ACSM5: variants seen among roughly 807,000 people sequenced by gnomAD.
ACSM5 encodes acyl-CoA synthetase medium chain family member 5, also known as acyl-coenzyme A synthetase ACSM5, mitochondrial.
ACSM5 carries 56 observed loss-of-function variants against 71.6 expected under a neutral mutation model. The observed-to-expected ratio is 0.78, with a 90% CI of 0.63 to 0.98. ACSM5 has a LOEUF of 0.98. ACSM5 is among the 50% of genes least tolerant of loss of function. ACSM5 has a pLI of 0.00. For synonymous variants in ACSM5, 285 were observed against 281.5 expected, an observed-to-expected ratio of 1.01 and a Z score of -0.12; for missense variants, 723 against 726.0, an observed-to-expected ratio of 1.00 and a Z score of 0.05.
intron 12 of ACSM5, among the ~76,000 whole-genome samples, chr16:20,438,542 A>G (rs1325188384): frequency 1.4e-5 from 2 of 147,820 alleles, no homozygotes; most frequent in Non-Finnish European, 3.0e-5. Context: ...TGAAGAAATC[A>G]TACCTCAAAC....
At chr16:20,434,585 T>C (rs1006843083) in intron 10 of ACSM5, among the ~76,000 whole-genome samples, 1 of 152,088 alleles carries the variant, frequency 6.6e-6, no homozygotes, top group Non-Finnish European at 1.5e-5. Context: ...TCCCAGCTAC[T>C]TGGGAGGCTG....
At chr16:20,431,947 A>AT (rs1317151084) in intron 10 of ACSM5, among the ~76,000 whole-genome samples, 4,813 of 141,602 alleles carry the variant, frequency 0.034, 240 homozygotes, top group East Asian at 0.079. Context: ...TCCGTATCAA[A>AT]AAAAAAAAAT....
At chr16:20,415,694 T>TGGAA (rs1966855021) in intron 2 of ACSM5, among the ~76,000 whole-genome samples, 1 of 152,152 alleles carries the variant, frequency 6.6e-6, no homozygotes, top group Non-Finnish European at 1.5e-5. Context: ...GTCAAGAATG[T>TGGAA]GGAATTGGGA....
intron 7 of ACSM5, among the ~76,000 whole-genome samples, chr16:20,429,280 T>C (rs1281613382): frequency 6.6e-6 from 1 of 152,172 alleles, no homozygotes; most frequent in African/African-American, 2.4e-5. Context: ...CCCAAAGTGC[T>C]GGGACTACAG....
chr16:20,436,746 G>A (rs999356109), intron 10 of ACSM5, among the ~76,000 whole-genome samples: 7 of 152,090 alleles, frequency 4.6e-5, no homozygotes, highest in African/African-American at 1.4e-4. Flanking sequence ...AAAAACCACA[G>A]CCAGTGGCCC....
Position 20,439,912 on chromosome 16 carries a change from C to T in ACSM5, c.1649C>T (p.Pro550Leu). The T allele has an allele frequency of 6.2e-7, 1 of 1,612,262 alleles. No homozygotes were observed. Among genetic ancestry groups the T allele is most frequent in the Non-Finnish European group, 8.5e-7 (1 of 1,178,712 alleles). ...VKRVTAPYKY[P>L]RKVAFVSELP... Reference sequence around the variant, plus strand: ...AGGGTGACTGCTCCATACAAATACCCCAGGAAGGTAAATATCAGGGTTTCC... The same window carrying T: ...AGGGTGACTGCTCCATACAAATACCTCAGGAAGGTAAATATCAGGGTTTCC... The change falls in exon 13 of 14, where the codon CCC becomes CTC. Residue 550 changes from proline to leucine, a missense_variant. Pro to Leu is a moderately conservative substitution (Grantham distance 98). Coordinates refer to ENST00000331849, the MANE Select transcript of ACSM5 (RefSeq NM_017888.3).
At chr16:20,430,448 A>C (rs1335103748) in intron 8 of ACSM5, among the ~76,000 whole-genome samples, 4 of 151,988 alleles carry the variant, frequency 2.6e-5, no homozygotes, top group Admixed American at 2.6e-4. Context: ...GAGATGGGTT[A>C]AGTTCTTTAT....
chr16:20,433,579 G>A (rs368254406), intron 10 of ACSM5, among the ~76,000 whole-genome samples: 2 of 151,882 alleles, frequency 1.3e-5, no homozygotes, highest in Middle Eastern at 3.2e-3. Flanking sequence ...CAAAAGAAAA[G>A]GAGAAAAAGA....
intron 7 of ACSM5, 57 bp from the exon 8 acceptor site, chr16:20,429,621 G>A: frequency 6.2e-7 from 1 of 1,610,144 alleles, no homozygotes; most frequent in African/African-American, 1.3e-5. Flanking sequence ...TGGCACCAGA[G>A]GGCGGGGTGA....
intron 8 of ACSM5, 83 bp downstream of exon 8, chr16:20,429,884 T>G (rs1967061154): frequency 6.5e-7 from 1 of 1,527,944 alleles, no homozygotes; most frequent in East Asian, 2.3e-5. Context: ...TCCCTGAAGC[T>G]TCTCAGGGAC....
At chr16:20,428,514 C>A (rs866817291) in intron 7 of ACSM5, among the ~76,000 whole-genome samples, 4 of 152,340 alleles carry the variant, frequency 2.6e-5, no homozygotes, top group Middle Eastern at 6.8e-3. Context: ...GGCCCACTGT[C>A]CTTCAGTATC....
chr16:20,438,017 G>T lies in ACSM5; in HGVS notation c.1536+650G>T, dbSNP rs370459276. ...ATTTTTGTATTTTTAGTAGAGACAG[G>T]GTTTTGCCTTGTTGGCCAGGCTGGA... is the stretch of plus-strand genomic sequence containing the variant. On this transcript the variant is annotated intron_variant, in intron 12 of 13. Coordinates refer to ENST00000331849, the MANE Select transcript of ACSM5 (RefSeq NM_017888.3). Among the ~76,000 whole-genome samples, 2 of 151,934 alleles carry T rather than the reference G, an allele frequency of 1.3e-5. 1 individual carries two copies. The highest frequency in any genetic ancestry group is 1.3e-4 in the Admixed American group (2 of 15,242).
chr16:20,427,874 C>T lies in ACSM5; in HGVS notation c.1001+7C>T, dbSNP rs750264532. On this transcript the variant is annotated splice_region_variant and intron_variant, in intron 7 of 13. Coordinates refer to ENST00000331849, the MANE Select transcript of ACSM5 (RefSeq NM_017888.3). ...TGCAGGAGGATCTGACCAGGTACAG[C>T]CCGTCTATTTCGTGCTTTGAGGGCC... 2.5e-6 allele frequency: 4 copies of T among 1,609,686 alleles called. No individual in the cohort carries two copies. In the Admixed American group the frequency reaches 5.0e-5, roughly 20 times the overall value.
At chr16:20,438,714 G>T (rs1188676865) in intron 12 of ACSM5, among the ~76,000 whole-genome samples, 1 of 151,398 alleles carries the variant, frequency 6.6e-6, no homozygotes, top group Admixed American at 6.6e-5. Flanking sequence ...CCAGCACTTT[G>T]GGAGGCCGAG....
At chr16:20,434,963 A>G (rs564968308) in intron 10 of ACSM5, among the ~76,000 whole-genome samples, 15 of 152,338 alleles carry the variant, frequency 9.8e-5, no homozygotes, top group African/African-American at 3.1e-4. Flanking sequence ...GTTTGCTAGC[A>G]TTTTGATTAG....
intron 3 of ACSM5, among the ~76,000 whole-genome samples, chr16:20,418,995 AGAG>A (rs1399999768): frequency 6.6e-6 from 1 of 152,266 alleles, no homozygotes; most frequent in Non-Finnish European, 1.5e-5. Flanking sequence ...GCAGAGAAAC[AGAG>A]GAGGAAAGAG....
rs556386060 is a variant in ACSM5, at chr16:20,424,880, G to T, written c.921+811G>T. Reference sequence around the variant, plus strand: ...TTTAATTTTTGTGGATACATAGTAGGTGTATATATTTATGGGGTACATGAG... The same window carrying T: ...TTTAATTTTTGTGGATACATAGTAGTTGTATATATTTATGGGGTACATGAG... On this transcript the variant is annotated intron_variant, in intron 6 of 13. Coordinates refer to ENST00000331849, the MANE Select transcript of ACSM5 (RefSeq NM_017888.3). Among the ~76,000 whole-genome samples, 5 of 152,342 alleles carry T rather than the reference G, an allele frequency of 3.3e-5. No homozygotes were observed. In the South Asian group the frequency reaches 1.0e-3, roughly 32 times the overall value.
intron 10 of ACSM5, among the ~76,000 whole-genome samples, chr16:20,436,352 T>A (rs1399666744): frequency 7.0e-6 from 1 of 142,864 alleles, no homozygotes; most frequent in Non-Finnish European, 1.5e-5. Flanking sequence ...AATCTTGCAA[T>A]CTCATCCTGT....
chr16:20,411,501 G>C lies in ACSM5; in HGVS notation c.17G>C (p.Arg6Thr), dbSNP rs1309000644. 6.2e-7 allele frequency: 1 copy of C among 1,613,984 alleles called. No individual in the cohort carries two copies. Among genetic ancestry groups the C allele is most frequent in the Non-Finnish European group, 8.5e-7 (1 of 1,180,000 alleles). The change falls in exon 2 of 14, where the codon AGA becomes ACA. Residue 6 changes from arginine to threonine, a missense_variant. Transcript: ENST00000331849. The stretch of plus-strand genomic sequence containing the variant: ...GGCGACTGCATGAGACCATGGCTGA[G>C]ACACCTAGTCCTCCAGGCACTGAGG... MRPWL[R>T]HLVLQALRNS...
Sources: allele counts gnomAD v4.1 joint callset (sites outside exome capture counted in the v4.1 genomes callset), GRCh38; gene constraint gnomAD v4.1.1; transcripts MANE v1.5; gene names NCBI Gene and HGNC (gene_info 2026-07-23, HGNC 2026-07-21).